Variants in L3MBTL4 observed in about 807,000 individuals in gnomAD.
L3MBTL4 encodes the protein L3MBTL histone methyl-lysine binding protein 4, also known as lethal(3)malignant brain tumor-like protein 4.
L3MBTL4 carries 70 observed loss-of-function variants against 84.5 expected under a neutral mutation model. The ratio of observed to expected loss-of-function variants is 0.83; its 90% CI spans 0.68 to 1.01. L3MBTL4 has a LOEUF of 1.01. Among genes scored for constraint, L3MBTL4 ranks in the 50% least tolerant of loss-of-function variants. The probability of loss-of-function intolerance (pLI) is 0.00; values close to 1 mark genes in which losing one functional copy is unlikely to be tolerated. For missense variants in L3MBTL4, 715 were observed against 754.8 expected (o/e 0.95, Z 0.62); for synonymous variants, 274 against 259.8 (o/e 1.05, Z -0.52).
chr18:6,093,147 A>T (rs1239258313), intron 15 of L3MBTL4, among the ~76,000 whole-genome samples: 1 of 152,254 alleles, frequency 6.6e-6, no homozygotes, highest in Non-Finnish European at 1.5e-5. Flanking sequence ...GGTAAATTCA[A>T]ATATTTAAGG....
At chr18:6,015,833 A>T (rs963326454) in intron 16 of L3MBTL4, among the ~76,000 whole-genome samples, 1 of 152,096 alleles carries the variant, frequency 6.6e-6, no homozygotes, top group South Asian at 2.1e-4. Context: ...GATGGCATGC[A>T]CCTGTAGTCC....
chr18:6,367,873 T>A (rs1294941565), intron 1 of L3MBTL4, among the ~76,000 whole-genome samples: 1 of 152,172 alleles, frequency 6.6e-6, no homozygotes, highest in Admixed American at 6.5e-5. Context: ...AGCCCTCACT[T>A]CAACCCCAAG....
intron 3 of L3MBTL4, among the ~76,000 whole-genome samples, chr18:6,310,010 C>A (rs527719485): frequency 6.6e-5 from 10 of 152,122 alleles, no homozygotes; most frequent in Non-Finnish European, 1.3e-4. Context: ...TGGGCCCCAC[C>A]CCTAGAGTAG....
At chr18:6,009,954 A>C (rs2054660775) in intron 16 of L3MBTL4, among the ~76,000 whole-genome samples, 1 of 152,212 alleles carries the variant, frequency 6.6e-6, no homozygotes, top group African/African-American at 2.4e-5. Context: ...GCACTTAAGA[A>C]TCATATTTCA....
rs141061677 is a variant in L3MBTL4, at chr18:6,160,693, T to C, written c.1096+11135A>G. 4.1e-3 allele frequency among the ~76,000 whole-genome samples: 555 copies of C among 135,906 alleles called. 2 individuals are homozygous for C. The highest frequency in any genetic ancestry group is 0.015 in the African/African-American group (520 of 35,030). 89.2% of individuals were successfully genotyped at this position (135,906 alleles called of 152,430 possible). ...TTGCAGTGAGCTGAAATCGCACCAT[T>C]ACACCCCAGCTTGGGTGACGAGAAT... On this transcript the variant is annotated intron_variant, in intron 13 of 18. Coordinates refer to ENST00000317931, the MANE Select transcript of L3MBTL4 (RefSeq NM_001330559.2).
At chr18:6,139,212 T>C (rs1489518102) in intron 13 of L3MBTL4, among the ~76,000 whole-genome samples, 1 of 152,136 alleles carries the variant, frequency 6.6e-6, no homozygotes, top group Non-Finnish European at 1.5e-5. Context: ...CACTACACCA[T>C]ACTATATGCT....
intron 12 of L3MBTL4, among the ~76,000 whole-genome samples, chr18:6,201,882 A>G (rs1312914729): frequency 6.6e-6 from 1 of 152,240 alleles, no homozygotes; most frequent in Admixed American, 6.5e-5. Flanking sequence ...AATATAATGT[A>G]TCCCAAAAAA....
At chr18:6,215,252 T>C (rs1467158146) in intron 11 of L3MBTL4, among the ~76,000 whole-genome samples, 1 of 152,232 alleles carries the variant, frequency 6.6e-6, no homozygotes, top group Non-Finnish European at 1.5e-5. Context: ...AATTTATACT[T>C]AGTTCAATCC....
At chr18:6,306,409 G>C (rs2050587349) in intron 3 of L3MBTL4, among the ~76,000 whole-genome samples, 1 of 151,996 alleles carries the variant, frequency 6.6e-6, no homozygotes, top group African/African-American at 2.4e-5. Flanking sequence ...AAAACAAAAA[G>C]CAAAAAATAT....
At chr18:6,297,139 T>C (rs549508244) in intron 4 of L3MBTL4, among the ~76,000 whole-genome samples, 1 of 152,184 alleles carries the variant, frequency 6.6e-6, no homozygotes, top group Non-Finnish European at 1.5e-5. Context: ...TACACAAGAA[T>C]AGTTTCAGTG....
chr18:6,358,517 G>A (rs904188871), intron 1 of L3MBTL4, among the ~76,000 whole-genome samples: 1 of 152,162 alleles, frequency 6.6e-6, no homozygotes, highest in Admixed American at 6.5e-5. Flanking sequence ...TTTTAGAACA[G>A]AGCATTAAAG....
chr18:6,367,880 C>G (rs1301703977), intron 1 of L3MBTL4, among the ~76,000 whole-genome samples: 1 of 152,100 alleles, frequency 6.6e-6, no homozygotes, highest in African/African-American at 2.4e-5. Flanking sequence ...ACTTCAACCC[C>G]AAGGAGATAG....
At chr18:6,329,092 T>C (rs531547168) in intron 1 of L3MBTL4, among the ~76,000 whole-genome samples, 96 of 152,146 alleles carry the variant, frequency 6.3e-4, no homozygotes, top group African/African-American at 2.3e-3. Flanking sequence ...ATCTTGATGG[T>C]TGTCCCACCT....
intron 1 of L3MBTL4, among the ~76,000 whole-genome samples, chr18:6,376,292 TGTCA>T (rs1429584185): frequency 5.9e-5 from 9 of 152,230 alleles, no homozygotes; most frequent in Non-Finnish European, 1.3e-4. Flanking sequence ...CACCTCCTCC[TGTCA>T]GTCGTGAAAA....
At position 6,154,954 on chromosome 18, in the gene L3MBTL4, G is replaced by A. The variant is rs140495699; in HGVS notation, c.1097-16658C>T. Among the ~76,000 whole-genome samples, 614 of 152,184 alleles carry A rather than the reference G, an allele frequency of 4.0e-3. 4 individuals carry two copies. Among genetic ancestry groups the A allele is most frequent in the African/African-American group, 0.014 (587 of 41,532 alleles). ...TAACGATGACTTCAAAGAAAATTAC[G>A]GAAAATGTTCTTGTCAATCTAAAAA... On this transcript the variant is annotated intron_variant, in intron 13 of 18. Coordinates refer to ENST00000317931, the MANE Select transcript of L3MBTL4 (RefSeq NM_001330559.2).
At chr18:6,070,512 C>CAAAA (rs35237218) in intron 16 of L3MBTL4, among the ~76,000 whole-genome samples, 1 of 132,576 alleles carries the variant, frequency 7.5e-6, no homozygotes, top group African/African-American at 2.7e-5. Flanking sequence ...AAAACTTACT[C>CAAAA]AAAAAAAAAA....
chr18:6,267,735 T>A (rs894517093), intron 4 of L3MBTL4, among the ~76,000 whole-genome samples: 9 of 152,242 alleles, frequency 5.9e-5, no homozygotes, highest in Non-Finnish European at 1.2e-4. Flanking sequence ...TGATCACATA[T>A]GTACCAAAGA....
intron 1 of L3MBTL4, among the ~76,000 whole-genome samples, chr18:6,384,579 C>T (rs574836952): frequency 1.3e-5 from 2 of 152,256 alleles, no homozygotes; most frequent in South Asian, 2.1e-4. Flanking sequence ...CTAACAATGC[C>T]GCAATGATTT....
At chr18:6,324,041 C>G (rs1261429499) in intron 1 of L3MBTL4, among the ~76,000 whole-genome samples, 1 of 152,230 alleles carries the variant, frequency 6.6e-6, no homozygotes, top group Non-Finnish European at 1.5e-5. Flanking sequence ...ACTCCAGCTC[C>G]AGCCATGGCT....
Sources: allele counts gnomAD v4.1 joint callset (sites outside exome capture counted in the v4.1 genomes callset), GRCh38; gene constraint gnomAD v4.1.1; transcripts MANE v1.5; gene names NCBI Gene and HGNC (gene_info 2026-07-23, HGNC 2026-07-21).